The following GAB2 variants were observed in gnomAD, a reference collection of about 807,000 sequenced individuals.
The protein encoded by GAB2 is GRB2 associated binding protein 2.
Under a neutral mutation model 65.5 loss-of-function variants are expected in GAB2, and 26 were observed. The ratio of observed to expected loss-of-function variants is 0.40; its 90% CI spans 0.29 to 0.55. GAB2 has a LOEUF of 0.55. Among genes scored for constraint, GAB2 ranks in the 20% least tolerant of loss-of-function variants. The probability of loss-of-function intolerance (pLI) is 0.53; values close to 1 mark genes in which losing one functional copy is unlikely to be tolerated. For missense variants in GAB2, 884 were observed against 875.8 expected (o/e 1.01, Z -0.12); for synonymous variants, 321 against 329.6 (o/e 0.97, Z 0.28).
Position 78,223,554 on chromosome 11 carries a change from G to A in GAB2, c.1425C>T (p.Val475=), listed in dbSNP as rs1243584057. 2 of 1,613,932 alleles carry A rather than the reference G, an allele frequency of 1.2e-6. No homozygotes were observed. Among genetic ancestry groups the A allele is most frequent in the East Asian group, 4.5e-5 (2 of 44,854 alleles). ...MERAGDNSQS[V]YIPMSPGAHH... is the part of the protein sequence containing the mutation. ...GGGCCCCTGGGCTCATTGGGATGTA[G>A]ACGCTCTGGGAATTATCACCTGCTC... is the stretch of plus-strand genomic sequence containing the variant. The change falls in exon 6 of 10, where the codon GTC becomes GTT. Residue 475 remains valine, a synonymous_variant. Transcript: ENST00000361507.
intron 1 of GAB2, among the ~76,000 whole-genome samples, chr11:78,288,382 G>GAAAA (rs369041941): frequency 3.4e-3 from 403 of 119,316 alleles, no homozygotes; most frequent in Non-Finnish European, 4.6e-3. Flanking sequence ...CCATCTCAAA[G>GAAAA]AAAAAAAAAA....
chr11:78,231,336 G>GTGTGTGTGTGTGTGT (rs1554975133), intron 3 of GAB2, among the ~76,000 whole-genome samples: 2 of 145,796 alleles, frequency 1.4e-5, no homozygotes, highest in African/African-American at 2.6e-5. Context: ...GCGCGTGTGT[G>GTGTGTGTGTGTGTGT]GTGTGTGTGT....
chr11:78,333,091 G>A (rs904761233), intron 1 of GAB2, among the ~76,000 whole-genome samples: 1 of 152,042 alleles, frequency 6.6e-6, no homozygotes, highest in African/African-American at 2.4e-5. Flanking sequence ...TGGGACATGT[G>A]GTACCATCAG....
chr11:78,410,530 A>G (rs1857113652), intron 1 of GAB2, among the ~76,000 whole-genome samples: 1 of 152,286 alleles, frequency 6.6e-6, no homozygotes, highest in East Asian at 1.9e-4. Flanking sequence ...ATAATAATGA[A>G]GCAATGTCAG....
chr11:78,262,397 A>C (rs962712415), intron 2 of GAB2, among the ~76,000 whole-genome samples: 1 of 152,242 alleles, frequency 6.6e-6, no homozygotes, highest in Non-Finnish European at 1.5e-5. Context: ...TGGGTGCTCC[A>C]CAAATGGTAG....
intron 3 of GAB2, among the ~76,000 whole-genome samples, chr11:78,248,412 T>C (rs1298872595): frequency 6.6e-6 from 1 of 152,166 alleles, no homozygotes; most frequent in East Asian, 1.9e-4. Flanking sequence ...TGGAGTTTAT[T>C]AGAAAGGACC....
intron 1 of GAB2, among the ~76,000 whole-genome samples, chr11:78,349,959 T>G (rs72931676): frequency 0.017 from 2,654 of 151,862 alleles, 28 homozygotes; most frequent in South Asian, 0.037. Flanking sequence ...AGAAAGACAA[T>G]CAAGAGGTTC....
At position 78,221,782 on chromosome 11, in the gene GAB2, G is replaced by C; in HGVS notation, c.1659-3C>G. Reference sequence around the variant, plus strand: ...AGGAGCTGGAGTTGAAGGTGTGGCTGTTGTGGGAAGGAAGAGTTAACACTG... The same window carrying C: ...AGGAGCTGGAGTTGAAGGTGTGGCTCTTGTGGGAAGGAAGAGTTAACACTG... On this transcript the variant is annotated splice_polypyrimidine_tract_variant and splice_region_variant and intron_variant, in intron 7 of 9. Coordinates refer to ENST00000361507, the MANE Select transcript of GAB2 (RefSeq NM_080491.3). 1 of 1,605,426 alleles carries C rather than the reference G, an allele frequency of 6.2e-7. No homozygotes were observed. The highest frequency in any genetic ancestry group is 8.5e-7 in the Non-Finnish European group (1 of 1,172,330).
chr11:78,301,560 T>C (rs1867020372), intron 1 of GAB2, among the ~76,000 whole-genome samples: 2 of 152,178 alleles, frequency 1.3e-5, no homozygotes, highest in Admixed American at 1.3e-4. Flanking sequence ...CTTGAACTCC[T>C]GACTTCAGGT....
At position 78,225,226 on chromosome 11, in the gene GAB2, A is replaced by C. The variant is rs201487923; in HGVS notation, c.1208-24T>G. The C allele has an allele frequency of 4.0e-5, 59 of 1,490,988 alleles. 1 individual carries two copies. The African/African-American group carries it at 7.6e-4, about 19-fold the overall frequency. The allele number at this position is 1,490,988 out of a possible 1,614,324, so 92.4% of individuals were successfully genotyped here. A position where few individuals can be genotyped will look rare whatever the true frequency, so the allele number is the denominator to read the frequency against. On this transcript the variant is annotated intron_variant, in intron 4 of 9. Coordinates refer to ENST00000361507, the MANE Select transcript of GAB2 (RefSeq NM_080491.3). Reference sequence around the variant, plus strand: ...AGCTGACAGAGGAAGGAGGATTCATAAGTACTCATGGTTGATTCATGTGTT... The same window carrying C: ...AGCTGACAGAGGAAGGAGGATTCATCAGTACTCATGGTTGATTCATGTGTT...
At chr11:78,235,917 AC>A (rs1203828892) in intron 3 of GAB2, among the ~76,000 whole-genome samples, 2 of 152,162 alleles carry the variant, frequency 1.3e-5, no homozygotes, top group Non-Finnish European at 2.9e-5. Context: ...CTTTTCAGCA[AC>A]GCCCCACTCT....
At chr11:78,255,350 C>A (rs1865567627) in intron 2 of GAB2, among the ~76,000 whole-genome samples, 1 of 152,126 alleles carries the variant, frequency 6.6e-6, no homozygotes. Flanking sequence ...TTGTTTTAAT[C>A]TACTCACTTT....
chr11:78,291,562 T>C (rs867350893), intron 1 of GAB2, among the ~76,000 whole-genome samples: 31 of 50,286 alleles, frequency 6.2e-4, no homozygotes, highest in African/African-American at 2.3e-3. Context: ...TTTCTTTTTC[T>C]TTTTTTTTTT....
chr11:78,345,180 G>C (rs1270760738), intron 1 of GAB2, among the ~76,000 whole-genome samples: 1 of 152,174 alleles, frequency 6.6e-6, no homozygotes, highest in Non-Finnish European at 1.5e-5. Context: ...CTTCGAAGCT[G>C]AGGTAGGAGG....
chr11:78,393,154 A>G (rs913669041), intron 1 of GAB2, among the ~76,000 whole-genome samples: 1 of 152,214 alleles, frequency 6.6e-6, no homozygotes, highest in Non-Finnish European at 1.5e-5. Flanking sequence ...AAACTGAGTA[A>G]AGATCAAAAG....
chr11:78,329,247 G>T (rs541080189), intron 1 of GAB2, among the ~76,000 whole-genome samples: 1 of 152,116 alleles, frequency 6.6e-6, no homozygotes, highest in African/African-American at 2.4e-5. Context: ...TCTGGGTTGC[G>T]TGGCTAGGAG....
chr11:78,254,507 A>T (rs1865541943), intron 2 of GAB2, among the ~76,000 whole-genome samples: 1 of 152,160 alleles, frequency 6.6e-6, no homozygotes, highest in Non-Finnish European at 1.5e-5. Context: ...CCATCTAATG[A>T]TCTATAGCTT....
At chr11:78,333,211 C>A (rs1489884604) in intron 1 of GAB2, among the ~76,000 whole-genome samples, 1 of 152,124 alleles carries the variant, frequency 6.6e-6, no homozygotes, top group Non-Finnish European at 1.5e-5. Context: ...ACTGATAAGT[C>A]CTTCTTCTAG....
chr11:78,390,816 A>T (rs1000166511), intron 1 of GAB2, among the ~76,000 whole-genome samples: 1 of 152,208 alleles, frequency 6.6e-6, no homozygotes, highest in African/African-American at 2.4e-5. Context: ...CTTCTCTCTC[A>T]CACAGATACA....
Sources: allele counts gnomAD v4.1 joint callset (sites outside exome capture counted in the v4.1 genomes callset), GRCh38; gene constraint gnomAD v4.1.1; transcripts MANE v1.5; gene names NCBI Gene and HGNC (gene_info 2026-07-23, HGNC 2026-07-21).